PARD3: variants seen among roughly 807,000 people sequenced by gnomAD.
The protein encoded by PARD3 is par-3 family cell polarity regulator, also known as partitioning defective 3 homolog.
In PARD3, 75 loss-of-function variants were observed where a neutral mutation model predicts 155.4. That is an observed-to-expected ratio of 0.48 (90% CI 0.40 to 0.58). PARD3 has a LOEUF of 0.58. Ranked by LOEUF, PARD3 falls within the 20% of genes least tolerant of loss-of-function variation. The pLI is 0.00. For missense variants in PARD3, 1,642 were observed against 1,721.7 expected (o/e 0.95, Z 0.82); for synonymous variants, 576 against 610.5 (o/e 0.94, Z 0.83).
intron 22 of PARD3, among the ~76,000 whole-genome samples, chr10:34,262,233 T>G (rs987585570): frequency 1.3e-5 from 2 of 152,110 alleles, no homozygotes; most frequent in African/African-American, 4.8e-5. Context: ...AAAACCACTG[T>G]TTTAGAACAA....
At chr10:34,350,818 T>C (rs532062253) in intron 14 of PARD3, among the ~76,000 whole-genome samples, 3 of 152,296 alleles carry the variant, frequency 2.0e-5, no homozygotes, top group East Asian at 1.9e-4. Flanking sequence ...AAGGAAAGTC[T>C]TTCTACCTAT....
At chr10:34,642,569 C>G (rs2092712524) in intron 2 of PARD3, among the ~76,000 whole-genome samples, 1 of 152,106 alleles carries the variant, frequency 6.6e-6, no homozygotes, top group Non-Finnish European at 1.5e-5. Flanking sequence ...GCACAAACTG[C>G]AATTTGAATG....
At chr10:34,399,227 CCTATTAAGCATATG>C in intron 7 of PARD3, 89 bp downstream of exon 7, 1 of 758,654 alleles carries the variant, frequency 1.3e-6, no homozygotes. Context: ...GAGAATGTTT[CCTATTAAGCATATG>C]CTAAGTCAAC....
At chr10:34,201,233 G>A (rs1951195061) in intron 22 of PARD3, among the ~76,000 whole-genome samples, 1 of 152,142 alleles carries the variant, frequency 6.6e-6, no homozygotes, top group Admixed American at 6.5e-5. Flanking sequence ...GGGAACCAAG[G>A]CAGGTTACTG....
rs1946348310 is a variant in PARD3, at chr10:34,110,742, C to T, written c.*427G>A. ...TTTTGGTGTATGTCGCCCACTTTTC[C>T]TCCACCAGAGACTAAGATGTCATCC... On this transcript the variant is annotated 3_prime_UTR_variant, in exon 25 of 25. Coordinates refer to ENST00000374788, the MANE Select transcript of PARD3 (RefSeq NM_001184785.2). The T allele has an allele frequency of 6.5e-6, 1 of 154,412 alleles. No homozygotes were observed. Among genetic ancestry groups the T allele is most frequent in the African/African-American group, 2.4e-5 (1 of 41,494 alleles). 9.6% of individuals were successfully genotyped at this position (154,412 alleles called of 1,614,324 possible).
chr10:34,385,481 T>G (rs1842264223), intron 7 of PARD3, among the ~76,000 whole-genome samples: 1 of 152,178 alleles, frequency 6.6e-6, no homozygotes, highest in Non-Finnish European at 1.5e-5. Flanking sequence ...AATTTTTATA[T>G]GAACTTAGTC....
intron 3 of PARD3, among the ~76,000 whole-genome samples, chr10:34,478,426 C>G (rs574987347): frequency 6.6e-6 from 1 of 152,240 alleles, no homozygotes; most frequent in South Asian, 2.1e-4. Context: ...GCACTTGAAA[C>G]AACAGGTGAT....
chr10:34,456,972 A>G (rs770198898), intron 4 of PARD3, among the ~76,000 whole-genome samples: 4 of 152,230 alleles, frequency 2.6e-5, no homozygotes, highest in Non-Finnish European at 5.9e-5. Flanking sequence ...GAATTTCTAT[A>G]TTAGAAAGAA....
intron 22 of PARD3, among the ~76,000 whole-genome samples, chr10:34,158,107 G>A (rs572965115): frequency 7.9e-5 from 12 of 152,288 alleles, no homozygotes; most frequent in South Asian, 6.2e-4. Flanking sequence ...GACAATGCAA[G>A]GTAACTCATG....
chr10:34,517,721 C>T (rs2081877013), intron 2 of PARD3, among the ~76,000 whole-genome samples: 1 of 151,904 alleles, frequency 6.6e-6, no homozygotes, highest in South Asian at 2.1e-4. Context: ...CAAACACACA[C>T]ACACCAAGAA....
chr10:34,602,041 T>TA (rs937494025), intron 2 of PARD3, among the ~76,000 whole-genome samples: 20 of 151,930 alleles, frequency 1.3e-4, no homozygotes, highest in African/African-American at 2.2e-4. Flanking sequence ...ATTAAAATTA[T>TA]AAAAAAAAGA....
At chr10:34,138,194 G>T (rs762742422) in intron 22 of PARD3, among the ~76,000 whole-genome samples, 6 of 152,174 alleles carry the variant, frequency 3.9e-5, no homozygotes, top group Non-Finnish European at 5.9e-5. Context: ...GCAAAGTTCT[G>T]GTCTCTGGGA....
intron 22 of PARD3, among the ~76,000 whole-genome samples, chr10:34,166,487 G>A (rs1949533275): frequency 6.6e-6 from 1 of 152,012 alleles, no homozygotes; most frequent in Non-Finnish European, 1.5e-5. Flanking sequence ...GGGGATGGTG[G>A]TGAGCCTATA....
At chr10:34,459,805 T>C (rs1445749645) in intron 4 of PARD3, among the ~76,000 whole-genome samples, 1 of 152,176 alleles carries the variant, frequency 6.6e-6, no homozygotes, top group Non-Finnish European at 1.5e-5. Context: ...ATATAACTAG[T>C]CTGACAATGT....
chr10:34,596,617 T>A (rs116593345), intron 2 of PARD3, among the ~76,000 whole-genome samples: 2,975 of 152,232 alleles, frequency 0.02, 89 homozygotes, highest in African/African-American at 0.068. Flanking sequence ...ACGAGTTCCC[T>A]TCCCCAACAC....
At chr10:34,228,501 A>C (rs1952743722) in intron 22 of PARD3, among the ~76,000 whole-genome samples, 1 of 152,146 alleles carries the variant, frequency 6.6e-6, no homozygotes, top group South Asian at 2.1e-4. Context: ...AATCCACAGA[A>C]GCAGATAAGC....
intron 2 of PARD3, among the ~76,000 whole-genome samples, chr10:34,635,248 T>C (rs2092426270): frequency 6.6e-6 from 1 of 152,250 alleles, no homozygotes; most frequent in African/African-American, 2.4e-5. Context: ...CTGATTCTAT[T>C]TGCAGATAAA....
At chr10:34,745,089 T>C (rs943439461) in intron 1 of PARD3, among the ~76,000 whole-genome samples, 3 of 152,162 alleles carry the variant, frequency 2.0e-5, no homozygotes, top group African/African-American at 7.2e-5. Context: ...AGGCTGGTTG[T>C]AGTGGCTCAC....
intron 15 of PARD3, among the ~76,000 whole-genome samples, chr10:34,347,169 A>G (rs536904191): frequency 6.6e-6 from 1 of 152,382 alleles, no homozygotes; most frequent in East Asian, 1.9e-4. Flanking sequence ...ACCAGTAATA[A>G]AAGTGTTTTA....
Sources: gnomAD v4.1 joint callset for allele counts (sites outside exome capture counted in the v4.1 genomes callset) on GRCh38, gnomAD v4.1.1 for gene constraint, MANE v1.5 for transcripts, NCBI Gene and HGNC (gene_info 2026-07-23, HGNC 2026-07-21) for gene names.